The following OR2AP1 variants were observed in gnomAD, a reference collection of about 807,000 sequenced individuals.
OR2AP1 encodes the protein olfactory receptor 2AP1.
In OR2AP1, 20 loss-of-function variants were observed where a neutral mutation model predicts 13.9. That is an observed-to-expected ratio of 1.44 (90% confidence interval 1.01 to 2.09). OR2AP1 has a LOEUF of 2.09. Ranked by LOEUF, OR2AP1 falls within the 30% of genes most tolerant of loss-of-function variation. OR2AP1 has a pLI of 0.00. For synonymous variants in OR2AP1, 174 were observed against 137.0 expected (o/e 1.27, Z -1.89); for missense variants, 490 against 360.6 (o/e 1.36, Z -2.91).
Position 55,574,455 on chromosome 12 carries a change from G to T in OR2AP1, c.41G>T (p.Gly14Val), listed in dbSNP as rs772656373. The T allele has an allele frequency of 2.6e-6, 4 of 1,535,694 alleles. No homozygotes were observed. In the East Asian group the frequency reaches 7.3e-5, roughly 28 times the overall value. ...KTVLTEFILL[G>V]LTDVPELQVA... ...GTGTTAACTGAGTTTATCCTTCTGG[G>T]TCTAACAGATGTCCCTGAACTCCAG... is the stretch of plus-strand genomic sequence containing the variant. Residue 14 changes from glycine to valine, a missense_variant, in exon 2 of 2, where the codon GGT becomes GTT. Transcript: ENST00000641114.
Position 55,574,945 on chromosome 12 carries a change from T to A in OR2AP1, c.531T>A (p.Cys177Ter). Reference protein sequence around the residue: ...CASNRLNHYFCDYEPLLELSC... With the variant: ...CASNRLNHYF ...CCAACAGACTGAATCATTACTTCTG[T>A]GACTATGAGCCTCTTCTGGAACTCT... Residue 177 changes from cysteine (C) to a stop codon, truncating the protein, a stop_gained, in exon 2 of 2, where the codon TGT (cysteine) becomes TGA (stop). Coordinates refer to ENST00000641114, the MANE Select transcript of OR2AP1 (RefSeq NM_001258285.2). LOFTEE classifies it high-confidence loss of function. The A allele has an allele frequency of 6.5e-7, 1 of 1,538,042 alleles. No individual in the cohort carries two copies. The highest frequency in any genetic ancestry group is 8.7e-7 in the Non-Finnish European group (1 of 1,147,014).
Position 55,575,467 on chromosome 12 carries a change from T to C in OR2AP1, c.*123T>C, listed in dbSNP as rs573099222. 1.7e-6 allele frequency: 1 copy of C among 588,704 alleles called. No individual in the cohort carries two copies. Among genetic ancestry groups the C allele is most frequent in the East Asian group, 2.9e-5 (1 of 35,000 alleles). The allele number at this position is 588,704 out of a possible 1,614,324, so 36.5% of individuals were successfully genotyped here. A position where few individuals can be genotyped will look rare whatever the true frequency, so the allele number is the denominator to read the frequency against. Reference sequence around the variant, plus strand: ...GGCACATATACACCATGGAATACTATGCAGCCATTAAAAATGATGAGTTGA... The same window carrying C: ...GGCACATATACACCATGGAATACTACGCAGCCATTAAAAATGATGAGTTGA... On this transcript the variant is annotated 3_prime_UTR_variant, in exon 2 of 2. Transcript: ENST00000641114.
At chr12:55,574,003 AG>A (rs1874485878) in intron 1 of OR2AP1, among the ~76,000 whole-genome samples, 1 of 152,210 alleles carries the variant, frequency 6.6e-6, no homozygotes, top group African/African-American at 2.4e-5. Context: ...AGGCACAAAA[AG>A]GAAGTAGGGC....
Position 55,574,413 on chromosome 12 carries a change from C to T in OR2AP1, c.-2C>T. ...ACTTTGAGACTCAAAATTTTTTCAA[C>T]AATGAAAAATAAAACCGTGTTAACT... is the stretch of plus-strand genomic sequence containing the variant. On this transcript the variant is annotated 5_prime_UTR_variant, in exon 2 of 2. Transcript: ENST00000641114. 6.7e-7 allele frequency: 1 copy of T among 1,489,642 alleles called. No individual in the cohort carries two copies. Among genetic ancestry groups the T allele is most frequent in the Non-Finnish European group, 8.9e-7 (1 of 1,121,634 alleles). 92.3% of individuals were successfully genotyped at this position (1,489,642 alleles called of 1,614,324 possible).
In OR2AP1 at chr12:55,575,072, A is replaced by T. The variant is rs1280767299; in HGVS notation, c.658A>T (p.Ile220Phe). ...VLVILSYAFI[I>F]KTILKLPSAQ... Reference sequence around the variant, plus strand: ...AGTGATTCTCTCCTATGCATTCATTATCAAGACTATTCTGAAGCTCCCCTC... The same window carrying T: ...AGTGATTCTCTCCTATGCATTCATTTTCAAGACTATTCTGAAGCTCCCCTC... The change falls in exon 2 of 2, where the codon ATC becomes TTC. Residue 220 changes from isoleucine to phenylalanine, a missense_variant. Physicochemically the swap from Ile to Phe is conservative, Grantham distance 21. Coordinates refer to ENST00000641114, the MANE Select transcript of OR2AP1 (RefSeq NM_001258285.2). 2 of 1,551,672 alleles carry T rather than the reference A, an allele frequency of 1.3e-6. No individual in the cohort carries two copies. The highest frequency in any genetic ancestry group is 4.8e-5 in the East Asian group (2 of 42,042).
rs763771748 is a variant in OR2AP1 at position 55,574,891 on chromosome 12, C to G, written c.477C>G (p.Thr159=). The part of the protein sequence containing the change: ...GGLMAIIPTI[T]LMSQQDFCAS... ...TAATGGCTATTATACCAACAATCAC[C>G]CTGATGAGTCAGCAGGACTTTTGTG... Residue 159 remains threonine (T), a synonymous_variant, in exon 2 of 2, where the codon ACC becomes ACG. Transcript: ENST00000641114. 88 of 1,545,676 alleles carry G rather than the reference C, an allele frequency of 5.7e-5. No individual in the cohort carries two copies. Among genetic ancestry groups the G allele is most frequent in the Non-Finnish European group, 7.5e-5 (86 of 1,149,092 alleles).
At chr12:55,574,185 T>G in intron 1 of OR2AP1, 35 bp from the exon 2 acceptor site, 1 of 517,190 alleles carries the variant, frequency 1.9e-6, no homozygotes, top group Non-Finnish European at 3.4e-6. Flanking sequence ...GAGAGTACAA[T>G]GTGGAAACAT....
chr12:55,574,412 A>T lies in OR2AP1; in HGVS notation c.-3A>T. ...CACTTTGAGACTCAAAATTTTTTCAACAATGAAAAATAAAACCGTGTTAAC... is the reference window on the plus strand; with the variant it reads ...CACTTTGAGACTCAAAATTTTTTCATCAATGAAAAATAAAACCGTGTTAAC... On this transcript the variant is annotated 5_prime_UTR_variant, in exon 2 of 2. Coordinates refer to ENST00000641114, the MANE Select transcript of OR2AP1 (RefSeq NM_001258285.2). 6.7e-7 allele frequency: 1 copy of T among 1,489,770 alleles called. No homozygotes were observed. The highest frequency in any genetic ancestry group is 8.9e-7 in the Non-Finnish European group (1 of 1,121,800). The allele number at this position is 1,489,770 out of a possible 1,614,324, so 92.3% of individuals were successfully genotyped here. A position where few individuals can be genotyped will look rare whatever the true frequency, so the allele number is the denominator to read the frequency against.
Position 55,575,352 on chromosome 12 carries a change from AAG to A in OR2AP1, c.*10_*11del. ...AAGCTTCTGAATCTTTAAAGAATTT[AAG>A]AATTATGCATCGCGACATTATTCAC... is the stretch of plus-strand genomic sequence containing the variant. On this transcript the variant is annotated 3_prime_UTR_variant, in exon 2 of 2. Coordinates refer to ENST00000641114, the MANE Select transcript of OR2AP1 (RefSeq NM_001258285.2). 6.9e-7 allele frequency: 1 copy of A among 1,450,712 alleles called. No homozygotes were observed. Among genetic ancestry groups the A allele is most frequent in the Non-Finnish European group, 9.2e-7 (1 of 1,085,854 alleles). 89.9% of individuals were successfully genotyped at this position (1,450,712 alleles called of 1,614,324 possible).
rs1408268594 is a variant in OR2AP1 at position 55,575,549 on chromosome 12, C to G, written c.*205C>G. Reference sequence around the variant, plus strand: ...AATCATCATTCTCAGTAAACTATCACAAGAACAAAAAACCGAACACCACAT... The same window carrying G: ...AATCATCATTCTCAGTAAACTATCAGAAGAACAAAAAACCGAACACCACAT... On this transcript the variant is annotated 3_prime_UTR_variant, in exon 2 of 2. Transcript: ENST00000641114. 3.2e-5 allele frequency: 13 copies of G among 405,982 alleles called. No homozygotes were observed. Among genetic ancestry groups the G allele is most frequent in the Non-Finnish European group, 5.0e-5 (11 of 221,442 alleles). The allele number at this position is 405,982 out of a possible 1,614,324, so 25.1% of individuals were successfully genotyped here. A position where few individuals can be genotyped will look rare whatever the true frequency, so the allele number is the denominator to read the frequency against.
chr12:55,575,128 A>G lies in OR2AP1; in HGVS notation c.714A>G (p.Thr238=), dbSNP rs1488551271. The change falls in exon 2 of 2, where the codon ACA becomes ACG. Residue 238 remains threonine (T), a synonymous_variant. Coordinates refer to ENST00000641114, the MANE Select transcript of OR2AP1 (RefSeq NM_001258285.2). ...AACAAAGGACAAAAGCCTTTTCCACATGTTCTTCCCACATGATTGTCATCT... is the reference window on the plus strand; with the variant it reads ...AACAAAGGACAAAAGCCTTTTCCACGTGTTCTTCCCACATGATTGTCATCT... The part of the protein sequence containing the change: ...SAQQRTKAFS[T]CSSHMIVISL... The G allele has an allele frequency of 3.1e-6, 5 of 1,598,650 alleles. No individual in the cohort carries two copies. The African/African-American group carries it at 4.0e-5, about 13-fold the overall frequency.
In OR2AP1 at chr12:55,574,955, C is replaced by A; in HGVS notation, c.541C>A (p.Pro181Thr). 1.3e-6 allele frequency: 2 copies of A among 1,537,630 alleles called. No homozygotes were observed. The highest frequency in any genetic ancestry group is 1.7e-6 in the Non-Finnish European group (2 of 1,146,870). Residue 181 changes from proline to threonine, a missense_variant, in exon 2 of 2, where the codon CCT becomes ACT. By Grantham distance (38) the Pro-to-Thr change is conservative. Transcript: ENST00000641114. ...GAATCATTACTTCTGTGACTATGAGCCTCTTCTGGAACTCTCATGTTCAGA... is the reference window on the plus strand; with the variant it reads ...GAATCATTACTTCTGTGACTATGAGACTCTTCTGGAACTCTCATGTTCAGA... ...RLNHYFCDYE[P>T]LLELSCSDTS... is the part of the protein sequence containing the mutation.
Position 55,574,465 on chromosome 12 carries a change from T to C in OR2AP1, c.51T>C (p.Asp17=), listed in dbSNP as rs998693892. Residue 17 remains aspartate (D), a synonymous_variant, in exon 2 of 2, where the codon GAT becomes GAC. Coordinates refer to ENST00000641114, the MANE Select transcript of OR2AP1 (RefSeq NM_001258285.2). ...LTEFILLGLT[D]VPELQVAVFT... ...AGTTTATCCTTCTGGGTCTAACAGA[T>C]GTCCCTGAACTCCAGGTGGCAGTTT... is the stretch of plus-strand genomic sequence containing the variant. 2.0e-6 allele frequency: 3 copies of C among 1,536,054 alleles called. No individual in the cohort carries two copies. The highest frequency in any genetic ancestry group is 2.0e-5 in the Admixed American group (1 of 50,962).
rs1366232507 is a variant in OR2AP1, at chr12:55,574,690, T to C, written c.276T>C (p.Phe92=). 4 of 1,555,558 alleles carry C rather than the reference T, an allele frequency of 2.6e-6. No individual in the cohort carries two copies. In the East Asian group the frequency reaches 9.6e-5, roughly 37 times the overall value. The stretch of plus-strand genomic sequence containing the variant: ...CAACAGGGAACAAGAGTATCAGCTT[T>C]GCTGGCTGCTTCACTCAGTATTTCT... The part of the protein sequence containing the change: ...SITTGNKSIS[F]AGCFTQYFFA... The change falls in exon 2 of 2, where the codon TTT becomes TTC. Residue 92 remains phenylalanine (F), a synonymous_variant. Transcript: ENST00000641114.
In OR2AP1 at chr12:55,575,017, A is replaced by G; in HGVS notation, c.603A>G (p.Ala201=). The stretch of plus-strand genomic sequence containing the variant: ...TAGAGAAGGTTGTCTTTCTTGTGGC[A>G]TCTGTGACCCTGGTGGTCACTCTGG... ...SLIEKVVFLV[A]SVTLVVTLVL... is the part of the protein sequence containing the mutation. The change falls in exon 2 of 2, where the codon GCA becomes GCG. Residue 201 remains alanine, a synonymous_variant. Coordinates refer to ENST00000641114, the MANE Select transcript of OR2AP1 (RefSeq NM_001258285.2). 1 of 1,538,058 alleles carries G rather than the reference A, an allele frequency of 6.5e-7. No homozygotes were observed. Among genetic ancestry groups the G allele is most frequent in the Non-Finnish European group, 8.7e-7 (1 of 1,147,124 alleles).
At chr12:55,574,068 A>C (rs1858439783) in intron 1 of OR2AP1, among the ~76,000 whole-genome samples, 152 bp from the exon 2 acceptor site, 1 of 152,204 alleles carries the variant, frequency 6.6e-6, no homozygotes. Context: ...GAAATTCATA[A>C]CCATTCTGGA....
chr12:55,574,605 T>A lies in OR2AP1; in HGVS notation c.191T>A (p.Phe64Tyr). ...CCCATGTATTTCTTTCTCCGGAACT[T>A]CTCCTTCTTGGAAATTTCCTTCACA... ...QTPMYFFLRN[F>Y]SFLEISFTNI... The change falls in exon 2 of 2, where the codon TTC becomes TAC. Residue 64 changes from phenylalanine to tyrosine, a missense_variant. Phe to Tyr is a conservative substitution (Grantham distance 22). Transcript: ENST00000641114. The A allele has an allele frequency of 6.5e-7, 1 of 1,540,946 alleles. No individual in the cohort carries two copies. Among genetic ancestry groups the A allele is most frequent in the Non-Finnish European group, 8.7e-7 (1 of 1,148,334 alleles).
At chr12:55,574,194 A>T (rs1874489605) in intron 1 of OR2AP1, 26 bp from the exon 2 acceptor site, 5 of 533,666 alleles carry the variant, frequency 9.4e-6, no homozygotes, top group Admixed American at 3.6e-5. Context: ...ATGTGGAAAC[A>T]TAATGACAAG....
rs1459905197 is a variant in OR2AP1, at chr12:55,574,216, A to T, written c.-195-4A>T. ...AACATAATGACAAGAACTTTCCTCCATAGGGCAAATGGGACTGGGAAGGAT... is the reference window on the plus strand; with the variant it reads ...AACATAATGACAAGAACTTTCCTCCTTAGGGCAAATGGGACTGGGAAGGAT... On this transcript the variant is annotated splice_region_variant and splice_polypyrimidine_tract_variant and intron_variant, in intron 1 of 1. Coordinates refer to ENST00000641114, the MANE Select transcript of OR2AP1 (RefSeq NM_001258285.2). The T allele has an allele frequency of 2.0e-5, 11 of 562,160 alleles. No homozygotes were observed. Among genetic ancestry groups the T allele is most frequent in the Admixed American group, 3.4e-5 (1 of 29,374 alleles). 34.8% of individuals were successfully genotyped at this position (562,160 alleles called of 1,614,324 possible).
Sources: allele counts gnomAD v4.1 joint callset (sites outside exome capture counted in the v4.1 genomes callset), GRCh38; gene constraint gnomAD v4.1.1; transcripts MANE v1.5; gene names NCBI Gene and HGNC (gene_info 2026-07-23, HGNC 2026-07-21).